PPP2R2B: variants seen among roughly 807,000 people sequenced by gnomAD.
PPP2R2B encodes protein phosphatase 2 regulatory subunit Bbeta.
Under a neutral mutation model 46.0 loss-of-function variants are expected in PPP2R2B, and 5 were observed. The observed-to-expected ratio is 0.11, with a 90% CI of 0.06 to 0.23. PPP2R2B has a LOEUF of 0.23. Among genes scored for constraint, PPP2R2B ranks in the 10% least tolerant of loss-of-function variants. PPP2R2B has a pLI of 1.00. For missense variants in PPP2R2B, 367 were observed against 575.0 expected, an observed-to-expected ratio of 0.64 and a Z score of 3.70; for synonymous variants, 215 against 206.7, an observed-to-expected ratio of 1.04 and a Z score of -0.34.
intron 2 of PPP2R2B, among the ~76,000 whole-genome samples, chr5:146,863,685 C>CATCT (rs1561969312): frequency 6.6e-6 from 1 of 151,270 alleles, no homozygotes; most frequent in Non-Finnish European, 1.5e-5. Context: ...TCCATCCATC[C>CATCT]TTTAAATTTT....
chr5:146,795,106 T>C (rs1756442260), intron 2 of PPP2R2B, among the ~76,000 whole-genome samples: 1 of 152,048 alleles, frequency 6.6e-6, no homozygotes, highest in South Asian at 2.1e-4. Flanking sequence ...AGGTTATCAG[T>C]TTCTTTATCT....
chr5:146,808,380 G>A (rs184824857), intron 2 of PPP2R2B, among the ~76,000 whole-genome samples: 672 of 152,286 alleles, frequency 4.4e-3, no homozygotes, highest in Non-Finnish European at 7.7e-3. Context: ...TGTTGTTTTA[G>A]AGAATCCAAT....
intron 5 of PPP2R2B, among the ~76,000 whole-genome samples, chr5:146,651,078 T>C (rs1474997026): frequency 3.3e-5 from 5 of 152,160 alleles, no homozygotes. Context: ...ACATGAAATC[T>C]ATTTAAAAAA....
intron 5 of PPP2R2B, among the ~76,000 whole-genome samples, chr5:146,672,920 C>T (rs756262083): frequency 2.6e-5 from 4 of 152,264 alleles, no homozygotes; most frequent in Non-Finnish European, 5.9e-5. Flanking sequence ...GGGATAAACC[C>T]AGATCCTGAG....
At chr5:146,896,549 C>T (rs540419683) in intron 1 of PPP2R2B, among the ~76,000 whole-genome samples, 1 of 152,284 alleles carries the variant, frequency 6.6e-6, no homozygotes, top group East Asian at 1.9e-4. Flanking sequence ...GAAAAGAACA[C>T]CTAAACAGTC....
chr5:147,061,247 G>A (rs994627083), intron 2 of PPP2R2B, among the ~76,000 whole-genome samples: 3 of 152,100 alleles, frequency 2.0e-5, no homozygotes, highest in Non-Finnish European at 2.9e-5. Context: ...GGTTATTTTA[G>A]GTGGTGAAAA....
intron 2 of PPP2R2B, among the ~76,000 whole-genome samples, chr5:146,818,244 G>T (rs1175757095): frequency 6.6e-6 from 1 of 151,400 alleles, no homozygotes. Flanking sequence ...AGCTGCTGTG[G>T]CCATAGCACT....
chr5:147,031,726 A>G (rs1755795624), intron 1 of PPP2R2B, among the ~76,000 whole-genome samples: 1 of 152,178 alleles, frequency 6.6e-6, no homozygotes, highest in South Asian at 2.1e-4. Context: ...AGAATAAAGA[A>G]CCAGAAATAA....
At chr5:147,038,044 A>G (rs1429640747) in intron 1 of PPP2R2B, among the ~76,000 whole-genome samples, 4 of 152,178 alleles carry the variant, frequency 2.6e-5, no homozygotes, top group Admixed American at 6.5e-5. Context: ...GCTGGCACTC[A>G]GATTGTGTTA....
intron 2 of PPP2R2B, among the ~76,000 whole-genome samples, chr5:146,716,599 C>A (rs1780514588): frequency 6.6e-6 from 1 of 152,260 alleles, no homozygotes; most frequent in African/African-American, 2.4e-5. Context: ...CATGGTACTT[C>A]TGAATCTCTG....
At chr5:147,074,512 T>A (rs1334884080) in intron 2 of PPP2R2B, among the ~76,000 whole-genome samples, 1 of 152,196 alleles carries the variant, frequency 6.6e-6, no homozygotes, top group African/African-American at 2.4e-5. Flanking sequence ...TATTTGTCAA[T>A]CACTGACATC....
chr5:147,051,827 A>G (rs2151903021), intron 1 of PPP2R2B, among the ~76,000 whole-genome samples: 1 of 116,016 alleles, frequency 8.6e-6, no homozygotes. Flanking sequence ...CAGTAGTGTG[A>G]TCTCGGCTCA....
chr5:146,628,228 A>G (rs1404549181), intron 7 of PPP2R2B, among the ~76,000 whole-genome samples: 2 of 152,140 alleles, frequency 1.3e-5, no homozygotes, highest in Non-Finnish European at 2.9e-5. Context: ...TATAGGTGTA[A>G]GCCACTGCAC....
At chr5:146,651,902 C>T (rs572093185) in intron 5 of PPP2R2B, among the ~76,000 whole-genome samples, 1 of 152,290 alleles carries the variant, frequency 6.6e-6, no homozygotes, top group South Asian at 2.1e-4. Context: ...TCTCCCAGTT[C>T]AGACTTGAGG....
At chr5:146,609,801 G>A (rs938400967) in intron 7 of PPP2R2B, among the ~76,000 whole-genome samples, 4 of 132,464 alleles carry the variant, frequency 3.0e-5, no homozygotes, top group Admixed American at 7.6e-5. Flanking sequence ...AAGAAACGGC[G>A]CACCACGAGA....
chr5:146,667,890 A>G (rs943423181), intron 5 of PPP2R2B, among the ~76,000 whole-genome samples: 3 of 152,198 alleles, frequency 2.0e-5, no homozygotes, highest in African/African-American at 7.2e-5. Context: ...GCTCAGTGCT[A>G]TCAGAAAGGA....
intron 1 of PPP2R2B, among the ~76,000 whole-genome samples, chr5:146,944,097 T>G (rs1764406563): frequency 6.6e-6 from 1 of 152,168 alleles, no homozygotes; most frequent in Admixed American, 6.6e-5. Flanking sequence ...GAATACAAAT[T>G]AAAGTTTTAA....
At chr5:146,782,655 G>GT (rs1415297817) in intron 2 of PPP2R2B, among the ~76,000 whole-genome samples, 2 of 151,840 alleles carry the variant, frequency 1.3e-5, no homozygotes, top group Admixed American at 1.3e-4. Flanking sequence ...CTCAATAGTT[G>GT]TTTTTTTCCT....
chr5:146,971,031 A>G (rs761569816), intron 1 of PPP2R2B, among the ~76,000 whole-genome samples: 1 of 152,148 alleles, frequency 6.6e-6, no homozygotes, highest in Non-Finnish European at 1.5e-5. Flanking sequence ...TTAAAATTAT[A>G]TTTTGTTGTT....
Sources: gnomAD v4.1 joint callset for allele counts (sites outside exome capture counted in the v4.1 genomes callset) on GRCh38, gnomAD v4.1.1 for gene constraint, MANE v1.5 for transcripts, NCBI Gene and HGNC (gene_info 2026-07-23, HGNC 2026-07-21) for gene names.